The following SLU7 variants were observed in gnomAD, a reference collection of about 807,000 sequenced individuals.
The protein encoded by SLU7 is spliceosome associated SLU7, also known as pre-mRNA-splicing factor SLU7.
In SLU7, 60 loss-of-function variants were observed where a neutral mutation model predicts 87.0. The ratio of observed to expected loss-of-function variants is 0.69; its 90% CI spans 0.56 to 0.86. The LOEUF is 0.86. Ranked by LOEUF, SLU7 falls within the 40% of genes least tolerant of loss-of-function variation. SLU7 has a pLI of 0.00. For missense variants in SLU7, 507 were observed against 686.6 expected, an observed-to-expected ratio of 0.74 and a Z score of 2.92; for synonymous variants, 197 against 222.0, an observed-to-expected ratio of 0.89 and a Z score of 1.00.
At chr5:160,415,788 A>G (rs1426053807) in intron 1 of SLU7, among the ~76,000 whole-genome samples, 1 of 152,244 alleles carries the variant, frequency 6.6e-6, no homozygotes, top group Non-Finnish European at 1.5e-5. Context: ...TCATTAAGTC[A>G]TCAAGGACCA....
intron 6 of SLU7, among the ~76,000 whole-genome samples, chr5:160,409,964 T>C (rs1411818976): frequency 6.6e-6 from 1 of 152,202 alleles, no homozygotes; most frequent in Non-Finnish European, 1.5e-5. Context: ...TCGCTGTGCA[T>C]CTTCTTAAAT....
In SLU7 at chr5:160,407,323, T is replaced by TTGTA. The variant is rs10639397; in HGVS notation, c.1125+152_1125+153insTACA. ...TTTTGCTGCAAAAGCTCATACAAAATTACCATCTGACTAAGAGAAAGGAAG... is the reference window on the plus strand; with the variant it reads ...TTTTGCTGCAAAAGCTCATACAAAATTGTATACCATCTGACTAAGAGAAAGGAAG... On this transcript the variant is annotated intron_variant, in intron 11 of 15. Coordinates refer to ENST00000297151, the MANE Select transcript of SLU7 (RefSeq NM_006425.5). The surrounding 1 kb of genome is among the most constrained non-coding windows in gnomAD (Gnocchi z 4.2). Among the ~76,000 whole-genome samples, 135,101 of 151,980 alleles carry TTGTA rather than the reference T, an allele frequency of 0.89. 60,242 individuals are homozygous for TTGTA. Among genetic ancestry groups the TTGTA allele is most frequent in the African/African-American group, 0.96 (39,692 of 41,512 alleles).
rs973311817 is a variant in SLU7 at position 160,402,117 on chromosome 5, T to G, written c.*1168A>C. ...CTTATAATTCTTTCAATAAACCAACTTCAGGTTTTGTTTTTTTGCAAATTT... is the reference window on the plus strand; with the variant it reads ...CTTATAATTCTTTCAATAAACCAACGTCAGGTTTTGTTTTTTTGCAAATTT... On this transcript the variant is annotated 3_prime_UTR_variant, in exon 16 of 16. Transcript: ENST00000297151. 6.6e-6 allele frequency: 1 copy of G among 152,222 alleles called. No individual in the cohort carries two copies. The highest frequency in any genetic ancestry group is 1.9e-4 in the East Asian group (1 of 5,206). The allele number at this position is 152,222 out of a possible 1,614,324, so 9.4% of individuals were successfully genotyped here.
In SLU7 at chr5:160,407,836, T is replaced by C; in HGVS notation, c.918-23A>G. On this transcript the variant is annotated intron_variant, in intron 9 of 15. Transcript: ENST00000297151. The surrounding 1 kb of genome is among the most constrained non-coding windows in gnomAD (Gnocchi z 4.2). ...ACTCTGTAAATACAAATAAAGAAAA[T>C]GTTTCAGAGATTGATTTAAGGAAAA... 2 of 1,585,984 alleles carry C rather than the reference T, an allele frequency of 1.3e-6. No individual in the cohort carries two copies. The highest frequency in any genetic ancestry group is 2.2e-5 in the East Asian group (1 of 44,690).
At chr5:160,414,997 G>T in intron 2 of SLU7, 128 bp downstream of exon 2, 1 of 749,432 alleles carries the variant, frequency 1.3e-6, no homozygotes, top group Non-Finnish European at 2.1e-6. Flanking sequence ...ATATGAGTTT[G>T]ATAAAATAAA....
chr5:160,413,805 A>G, intron 4 of SLU7, 94 bp downstream of exon 4: 1 of 1,017,482 alleles, frequency 9.8e-7, no homozygotes, highest in South Asian at 1.6e-5. Flanking sequence ...GTACCTAAAT[A>G]TAGGTGATTT....
At chr5:160,412,654 A>G (rs1765290475) in intron 5 of SLU7, 135 bp from the exon 6 acceptor site, 4 of 607,424 alleles carry the variant, frequency 6.6e-6, no homozygotes, top group African/African-American at 3.7e-5. Flanking sequence ...AGAAAAGGTC[A>G]CTGAACAAAC....
chr5:160,414,222 A>T, intron 3 of SLU7, 97 bp downstream of exon 3: 1 of 975,946 alleles, frequency 1.0e-6, no homozygotes, highest in Non-Finnish European at 1.5e-6. Flanking sequence ...GGGTTTTATT[A>T]TCTGTTTCTA....
At chr5:160,404,673 C>T in intron 14 of SLU7, 117 bp from the exon 15 acceptor site, 2 of 880,640 alleles carry the variant, frequency 2.3e-6, no homozygotes, top group Non-Finnish European at 3.6e-6. Context: ...TTGCAGTGGG[C>T]CCAGACCGTG....
intron 3 of SLU7, 95 bp downstream of exon 3, chr5:160,414,224 C>T (rs1016349629): frequency 5.1e-6 from 5 of 982,930 alleles, no homozygotes; most frequent in African/African-American, 1.7e-5. Flanking sequence ...GTTTTATTAT[C>T]TGTTTCTACT....
At position 160,414,312 on chromosome 5, in the gene SLU7, T is replaced by C. The variant is rs927566050; in HGVS notation, c.324+7A>G. 9 of 1,591,378 alleles carry C rather than the reference T, an allele frequency of 5.7e-6. No homozygotes were observed. The highest frequency in any genetic ancestry group is 6.0e-6 in the Non-Finnish European group (7 of 1,171,840). ...TCCATGAAGATGTATACAGGTTGCC[T>C]ACATACCTCTTTTACACCCCTCTTG... is the stretch of plus-strand genomic sequence containing the variant. On this transcript the variant is annotated splice_region_variant and intron_variant, in intron 3 of 15. Coordinates refer to ENST00000297151, the MANE Select transcript of SLU7 (RefSeq NM_006425.5).
intron 6 of SLU7, among the ~76,000 whole-genome samples, chr5:160,409,332 T>C (rs535209813): frequency 6.9e-6 from 1 of 144,228 alleles, no homozygotes; most frequent in African/African-American, 2.5e-5. Flanking sequence ...GTCAGAATAC[T>C]TTCTAACTCC....
In SLU7 at chr5:160,404,529, T is replaced by C. The variant is rs1390397982; in HGVS notation, c.1492A>G (p.Lys498Glu). The C allele has an allele frequency of 6.2e-7, 1 of 1,607,974 alleles. No homozygotes were observed. The highest frequency in any genetic ancestry group is 8.5e-7 in the Non-Finnish European group (1 of 1,176,038). Residue 498 changes from lysine (K) to glutamate (E), a missense_variant, in exon 15 of 16, where the codon AAG becomes GAG. Transcript: ENST00000297151. ...TTCTTTTTCTTTTTCTTCTTCTTCT[T>C]TTCCTCTTTCAGTTTTTCTTGATGC... The part of the protein sequence containing the change: ...ELHQEKLKEE[K>E]KKKKKKKKKH...
At position 160,407,641 on chromosome 5, in the gene SLU7, G is replaced by A; in HGVS notation, c.986-26C>T. The A allele has an allele frequency of 6.2e-7, 1 of 1,606,554 alleles. No homozygotes were observed. Among genetic ancestry groups the A allele is most frequent in the Non-Finnish European group, 8.5e-7 (1 of 1,177,442 alleles). ...CTAGAGTAATTCAAAACATCTTAGT[G>A]AGTTGGCAGCTGCATTACTGTATGC... On this transcript the variant is annotated intron_variant, in intron 10 of 15. Coordinates refer to ENST00000297151, the MANE Select transcript of SLU7 (RefSeq NM_006425.5). This position sits in a 1 kb window ranked among gnomAD's most constrained non-coding sequence, Gnocchi z 4.2.
In SLU7 at chr5:160,403,230, A is replaced by G. The variant is rs1764858580; in HGVS notation, c.*55T>C. On this transcript the variant is annotated 3_prime_UTR_variant, in exon 16 of 16. Transcript: ENST00000297151. ...TTTTCTATCTACAATCATCAATAAG[A>G]AGCTGAAAAGAATGTATCAGCTGCA... 7.7e-7 allele frequency: 1 copy of G among 1,293,852 alleles called. No individual in the cohort carries two copies. 80.1% of individuals were successfully genotyped at this position (1,293,852 alleles called of 1,614,324 possible). A position where few individuals can be genotyped will look rare whatever the true frequency, so the allele number is the denominator to read the frequency against.
At chr5:160,416,478 T>C (rs1045476007) in intron 1 of SLU7, among the ~76,000 whole-genome samples, 3 of 152,230 alleles carry the variant, frequency 2.0e-5, no homozygotes. Context: ...CATCTCCACT[T>C]AGAGGCCAGA....
chr5:160,404,495 C>T lies in SLU7; in HGVS notation c.1526G>A (p.Arg509Gln), dbSNP rs376066344. Residue 509 changes from arginine to glutamine, a missense_variant, in exon 15 of 16, where the codon CGA becomes CAA. Coordinates refer to ENST00000297151, the MANE Select transcript of SLU7 (RefSeq NM_006425.5). The part of the protein sequence containing the change: ...KKKKKKKKKH[R>Q]KSSSDSDDEE... The stretch of plus-strand genomic sequence containing the variant: ...ATCATCACTATCTGAACTGCTCTTT[C>T]GATGCTTCTTCTTTTTCTTTTTCTT... The T allele has an allele frequency of 1.1e-5, 18 of 1,612,066 alleles. No individual in the cohort carries two copies. The highest frequency in any genetic ancestry group is 8.4e-5 in the Admixed American group (5 of 59,880).
chr5:160,404,806 T>C lies in SLU7; in HGVS notation c.1464+3A>G, dbSNP rs751247565. 1 of 1,594,874 alleles carries C rather than the reference T, an allele frequency of 6.3e-7. No individual in the cohort carries two copies. The highest frequency in any genetic ancestry group is 8.6e-7 in the Non-Finnish European group (1 of 1,162,454). On this transcript the variant is annotated splice_donor_region_variant and intron_variant, in intron 14 of 15. Coordinates refer to ENST00000297151, the MANE Select transcript of SLU7 (RefSeq NM_006425.5). ...AATTCAGGACAAATGATTATCAACTTACCTCCATGAGGGTTTGAGGTTTTT... is the reference window on the plus strand; with the variant it reads ...AATTCAGGACAAATGATTATCAACTCACCTCCATGAGGGTTTGAGGTTTTT...
At position 160,407,795 on chromosome 5, in the gene SLU7, A is replaced by G; in HGVS notation, c.936T>C (p.Asp312=). The part of the protein sequence containing the change: ...KNPDEVSYAG[D]NFVRYTGDTI... ...TATCTCCTGTGTACCTAACAAAGTT[A>G]TCTCCAGCATAACTCACTCTGTAAA... The change falls in exon 10 of 16, where the codon GAT becomes GAC. Residue 312 remains aspartate (D), a synonymous_variant. Transcript: ENST00000297151. The surrounding 1 kb of genome is among the most constrained non-coding windows in gnomAD (Gnocchi z 4.2). 6.2e-7 allele frequency: 1 copy of G among 1,611,970 alleles called. No homozygotes were observed. Among genetic ancestry groups the G allele is most frequent in the Non-Finnish European group, 8.5e-7 (1 of 1,178,098 alleles).
Sources: gnomAD v4.1 joint callset for allele counts (sites outside exome capture counted in the v4.1 genomes callset) on GRCh38, gnomAD v4.1.1 for gene constraint, Gnocchi (gnomAD v3.1) non-coding constraint, MANE v1.5 for transcripts, NCBI Gene and HGNC (gene_info 2026-07-23, HGNC 2026-07-21) for gene names.